MYOM2: variants seen among roughly 807,000 people sequenced by gnomAD.
The protein encoded by MYOM2 is myomesin 2.
Under a neutral mutation model 187.6 loss-of-function variants are expected in MYOM2, and 254 were observed. The observed-to-expected ratio is 1.35, with a 90% CI of 1.22 to 1.50. The LOEUF (loss-of-function observed/expected upper bound fraction) is 1.50. MYOM2 is among the 40% of genes most tolerant of loss of function. The pLI, the probability that MYOM2 is intolerant of heterozygous loss-of-function variation, is 0.00. For missense variants in MYOM2, 2,796 were observed against 1,924.0 expected (o/e 1.45, Z -8.48); for synonymous variants, 981 against 753.8 (o/e 1.30, Z -4.94).
At chr8:2,112,747 G>C (rs1180122598) in intron 25 of MYOM2, among the ~76,000 whole-genome samples, 1 of 152,292 alleles carries the variant, frequency 6.6e-6, no homozygotes, top group East Asian at 1.9e-4. Flanking sequence ...AACTCAGAGA[G>C]AAAGAAGAAC....
At chr8:2,098,025 C>A (rs776004655) in intron 18 of MYOM2, 6 of 151,910 alleles carry the variant, frequency 3.9e-5, no homozygotes, top group Non-Finnish European at 7.4e-5. Flanking sequence ...CACATCTGAG[C>A]GAGATCACAC....
Position 2,078,889 on chromosome 8 carries a change from A to T in MYOM2, c.1418A>T (p.Asp473Val). ...AGISRPSRVS[D>V]AVAALDPLDL... The stretch of plus-strand genomic sequence containing the variant: ...ATCAGCCGACCCTCCAGGGTCTCTG[A>T]TGCGGTGGCTGCACTTGACCCCTTG... The change falls in exon 12 of 37, where the codon GAT (aspartate) becomes GTT (valine). Residue 473 changes from aspartate (D) to valine (V), a missense_variant. Transcript: ENST00000262113. 1 of 1,614,036 alleles carries T rather than the reference A, an allele frequency of 6.2e-7. No homozygotes were observed. The highest frequency in any genetic ancestry group is 8.5e-7 in the Non-Finnish European group (1 of 1,179,906).
chr8:2,058,564 T>G (rs1007540716), intron 5 of MYOM2, among the ~76,000 whole-genome samples: 3 of 152,216 alleles, frequency 2.0e-5, no homozygotes, highest in Non-Finnish European at 2.9e-5. Context: ...CATATATTGC[T>G]AAAGTTATAC....
rs35137852 is a variant in MYOM2 at position 2,125,604 on chromosome 8, CTTTTTTTTTTTTTT to C, written c.3694+1396_3694+1409del. Among the ~76,000 whole-genome samples, 834 of 89,334 alleles carry C rather than the reference CTTTTTTTTTTTTTT, an allele frequency of 9.3e-3. 4 individuals are homozygous for C. The highest frequency in any genetic ancestry group is 0.013 in the Non-Finnish European group (621 of 48,912). The allele number at this position is 89,334 out of a possible 152,430, so 58.6% of individuals were successfully genotyped here. A position where few individuals can be genotyped will look rare whatever the true frequency, so the allele number is the denominator to read the frequency against. On this transcript the variant is annotated intron_variant, in intron 31 of 36. Coordinates refer to ENST00000262113, the MANE Select transcript of MYOM2 (RefSeq NM_003970.4). ...CATACGACTTTTAGGATTATTTTTC[CTTTTTTTTTTTTTT>C]TTTTTTTTGAGACGGAGTCTTTCCC...
In MYOM2 at chr8:2,097,198, A is replaced by G. The variant is rs1563052679; in HGVS notation, c.2313+764A>G. 3 of 628,814 alleles carry G rather than the reference A, an allele frequency of 4.8e-6. No individual in the cohort carries two copies. In the East Asian group the frequency reaches 4.1e-4, roughly 85 times the overall value. The allele number at this position is 628,814 out of a possible 1,614,324, so 39.0% of individuals were successfully genotyped here. Reference sequence around the variant, plus strand: ...TCTACTAGAAAATTCTGCCTTATAAATCTATCTCTTTATAATATATGTTAA... The same window carrying G: ...TCTACTAGAAAATTCTGCCTTATAAGTCTATCTCTTTATAATATATGTTAA... On this transcript the variant is annotated intron_variant, in intron 18 of 36. Coordinates refer to ENST00000262113, the MANE Select transcript of MYOM2 (RefSeq NM_003970.4).
intron 32 of MYOM2, 91 bp downstream of exon 32, chr8:2,129,323 A>C: frequency 5.3e-6 from 4 of 748,562 alleles, no homozygotes; most frequent in Non-Finnish European, 9.2e-6. Context: ...GGGAACATCA[A>C]GGCACTGCCA....
intron 31 of MYOM2, among the ~76,000 whole-genome samples, chr8:2,128,307 C>T (rs1435399815): frequency 6.6e-6 from 1 of 151,976 alleles, no homozygotes; most frequent in Non-Finnish European, 1.5e-5. Flanking sequence ...CAAGTTGCTT[C>T]CCAAAATGAA....
chr8:2,102,801 C>G lies in MYOM2; in HGVS notation c.2734+20C>G, dbSNP rs1289448553. On this transcript the variant is annotated intron_variant, in intron 21 of 36. Coordinates refer to ENST00000262113, the MANE Select transcript of MYOM2 (RefSeq NM_003970.4). ...GACCAGGTAAGGCTTACAACAAAAA[C>G]TACAAAACAGCAATGATTTGTGGGG... 2.5e-6 allele frequency: 4 copies of G among 1,578,492 alleles called. No homozygotes were observed. The highest frequency in any genetic ancestry group is 4.5e-5 in the East Asian group (2 of 44,416).
At position 2,096,353 on chromosome 8, in the gene MYOM2, C is replaced by G; in HGVS notation, c.2232C>G (p.Gly744=). ...PKFSGGSPIL[G]YYLDKREVHH... Reference sequence around the variant, plus strand: ...TCAGTGGTGGCTCGCCCATCCTGGGCTACTACCTGGACAAGCGTGAAGTTC... The same window carrying G: ...TCAGTGGTGGCTCGCCCATCCTGGGGTACTACCTGGACAAGCGTGAAGTTC... The change falls in exon 18 of 37, where the codon GGC becomes GGG. Residue 744 remains glycine (G), a synonymous_variant. Coordinates refer to ENST00000262113, the MANE Select transcript of MYOM2 (RefSeq NM_003970.4). 6.2e-7 allele frequency: 1 copy of G among 1,614,204 alleles called. No individual in the cohort carries two copies.
At chr8:2,046,359 T>C (rs183647239) in intron 1 of MYOM2, among the ~76,000 whole-genome samples, 165 of 152,310 alleles carry the variant, frequency 1.1e-3, no homozygotes, top group African/African-American at 3.9e-3. Flanking sequence ...TCATGATTCC[T>C]AAACGTGTCA....
Position 2,048,205 on chromosome 8 carries a change from G to A in MYOM2, c.-12-2550G>A, listed in dbSNP as rs142135717. ...AGCAGGTACTGGGGATTGCTCATGCGTCTGCTGGAGTGGAATTGCCTGGTA... is the reference window on the plus strand; with the variant it reads ...AGCAGGTACTGGGGATTGCTCATGCATCTGCTGGAGTGGAATTGCCTGGTA... On this transcript the variant is annotated intron_variant, in intron 1 of 36. Coordinates refer to ENST00000262113, the MANE Select transcript of MYOM2 (RefSeq NM_003970.4). 2.1e-3 allele frequency among the ~76,000 whole-genome samples: 323 copies of A among 152,330 alleles called. 3 individuals are homozygous for A. The highest frequency in any genetic ancestry group is 7.3e-3 in the African/African-American group (303 of 41,564).
chr8:2,047,464 C>G (rs1392424952), intron 1 of MYOM2, among the ~76,000 whole-genome samples: 3 of 152,196 alleles, frequency 2.0e-5, no homozygotes, highest in Non-Finnish European at 4.4e-5. Flanking sequence ...CACATTGGCA[C>G]TGGGAGTCAA....
rs1249250330 is a variant in MYOM2, at chr8:2,109,497, T to C, written c.3146T>C (p.Phe1049Ser). 6.2e-7 allele frequency: 1 copy of C among 1,613,242 alleles called. No homozygotes were observed. The change falls in exon 25 of 37, where the codon TTT becomes TCT. Residue 1049 changes from phenylalanine to serine, a missense_variant. Transcript: ENST00000262113. ...TTATCACCAGATGCCAGCTACCGAT[T>C]TATTATTAACGACAGAGAAGTCTCT... ...EHLSPDASYR[F>S]IINDREVSDS...
At chr8:2,143,832 G>A (rs1021207172) in intron 36 of MYOM2, among the ~76,000 whole-genome samples, 3 of 152,136 alleles carry the variant, frequency 2.0e-5, no homozygotes, top group African/African-American at 7.2e-5. Context: ...CGTGTGTGAA[G>A]GTGCAAGCCC....
intron 6 of MYOM2, among the ~76,000 whole-genome samples, chr8:2,063,002 A>G (rs904976329): frequency 2.6e-5 from 4 of 152,178 alleles, no homozygotes; most frequent in African/African-American, 9.7e-5. Context: ...CAAGTCAATG[A>G]TCCCCTAATA....
intron 28 of MYOM2, 35 bp from the exon 29 acceptor site, chr8:2,123,217 A>AT: frequency 7.3e-7 from 1 of 1,370,536 alleles, no homozygotes; most frequent in Non-Finnish European, 1.0e-6. Context: ...AGTCAGAATG[A>AT]TTTACACACT....
At chr8:2,123,120 G>A (rs1027493173) in intron 28 of MYOM2, 132 bp from the exon 29 acceptor site, 4 of 555,136 alleles carry the variant, frequency 7.2e-6, no homozygotes, top group South Asian at 3.0e-5. Flanking sequence ...ATAAGCCTTC[G>A]TCTGAGACTG....
At chr8:2,140,633 G>C (rs1798241026) in intron 32 of MYOM2, 90 bp from the exon 33 acceptor site, 1 of 1,324,078 alleles carries the variant, frequency 7.6e-7, no homozygotes, top group South Asian at 1.5e-5. Context: ...CTTAGAGAAG[G>C]CTGTCACAGC....
At chr8:2,067,960 G>T (rs1028480086) in intron 6 of MYOM2, among the ~76,000 whole-genome samples, 3 of 152,198 alleles carry the variant, frequency 2.0e-5, no homozygotes, top group Admixed American at 6.5e-5. Flanking sequence ...CAGGGAGTTT[G>T]TCACTTAGAA....
Sources: allele counts gnomAD v4.1 joint callset (sites outside exome capture counted in the v4.1 genomes callset), GRCh38; gene constraint gnomAD v4.1.1; transcripts MANE v1.5; gene names NCBI Gene and HGNC (gene_info 2026-07-23, HGNC 2026-07-21).